The following AGBL1 variants were observed in gnomAD, a reference collection of about 807,000 sequenced individuals.
AGBL1 encodes the protein AGBL carboxypeptidase 1.
A neutral mutation model predicts 118.9 loss-of-function variants in AGBL1; 130 were observed. The observed-to-expected ratio is 1.09, with a 90% confidence interval of 0.95 to 1.26. The LOEUF (loss-of-function observed/expected upper bound fraction) is 1.26. Among genes scored for constraint, AGBL1 ranks in the 50% most tolerant of loss-of-function variants. The pLI is 0.00. For synonymous variants in AGBL1, 555 were observed against 478.9 expected (o/e 1.16, Z -2.08); for missense variants, 1,584 against 1,298.1 (o/e 1.22, Z -3.38).
chr15:86,383,032 A>G (rs538708399), intron 17 of AGBL1, among the ~76,000 whole-genome samples: 3 of 152,180 alleles, frequency 2.0e-5, no homozygotes, highest in Non-Finnish European at 2.9e-5. Flanking sequence ...AGCTGGTGAC[A>G]TCTGTTTTTC....
At chr15:86,842,412 C>T (rs2079258253) in intron 22 of AGBL1, among the ~76,000 whole-genome samples, 1 of 152,148 alleles carries the variant, frequency 6.6e-6, no homozygotes, top group Non-Finnish European at 1.5e-5. Flanking sequence ...GTCATCTCTG[C>T]CTGAGCTCTG....
intron 24 of AGBL1, among the ~76,000 whole-genome samples, chr15:87,002,335 A>C (rs1031860803): frequency 2.6e-5 from 4 of 151,966 alleles, no homozygotes; most frequent in African/African-American, 9.7e-5. Context: ...CCATTGTTCT[A>C]TATCTCTGTT....
At chr15:86,752,570 AG>A (rs2141256045) in intron 22 of AGBL1, among the ~76,000 whole-genome samples, 1 of 152,218 alleles carries the variant, frequency 6.6e-6, no homozygotes, top group African/African-American at 2.4e-5. Context: ...GCAGGAGCAC[AG>A]GAACTCAGCC....
intron 1 of AGBL1, among the ~76,000 whole-genome samples, chr15:86,122,302 G>A (rs1309368760): frequency 6.6e-6 from 1 of 152,182 alleles, no homozygotes; most frequent in Non-Finnish European, 1.5e-5. Flanking sequence ...AGATATTCCC[G>A]TGAAAGCTGA....
At chr15:86,342,775 C>G (rs116236838) in intron 17 of AGBL1, among the ~76,000 whole-genome samples, 1 of 152,064 alleles carries the variant, frequency 6.6e-6, no homozygotes, top group Non-Finnish European at 1.5e-5. Context: ...TATAGAATAC[C>G]TGATGTAAGT....
chr15:86,398,178 T>C (rs1281838915), intron 18 of AGBL1, among the ~76,000 whole-genome samples: 1 of 152,278 alleles, frequency 6.6e-6, no homozygotes. Context: ...CTTACAGAAC[T>C]CTTCGAAATA....
chr15:86,735,909 T>C (rs887513050), intron 22 of AGBL1, among the ~76,000 whole-genome samples: 3 of 152,116 alleles, frequency 2.0e-5, no homozygotes, highest in Middle Eastern at 3.2e-3. Context: ...ATACGACTTT[T>C]ATGCTCACTT....
intron 5 of AGBL1, among the ~76,000 whole-genome samples, chr15:86,165,713 G>A (rs1244848806): frequency 6.6e-6 from 1 of 151,988 alleles, no homozygotes; most frequent in Non-Finnish European, 1.5e-5. Context: ...CTCACAGTGG[G>A]GCTTCACTCT....
At chr15:86,514,669 C>T (rs1444411331) in intron 18 of AGBL1, among the ~76,000 whole-genome samples, 1 of 152,072 alleles carries the variant, frequency 6.6e-6, no homozygotes, top group Non-Finnish European at 1.5e-5. Context: ...GGAAATGTCA[C>T]TTGCCCCTCA....
intron 21 of AGBL1, among the ~76,000 whole-genome samples, chr15:86,627,963 A>G (rs2084912553): frequency 1.3e-5 from 2 of 152,192 alleles, no homozygotes; most frequent in Admixed American, 6.5e-5. Context: ...TCCTGAATGG[A>G]GAAAGGAAAA....
intron 22 of AGBL1, among the ~76,000 whole-genome samples, chr15:86,767,756 A>G (rs2078116968): frequency 6.6e-6 from 1 of 151,898 alleles, no homozygotes; most frequent in South Asian, 2.1e-4. Flanking sequence ...TAAAAGTCAG[A>G]TTTTCTGATG....
intron 1 of AGBL1, among the ~76,000 whole-genome samples, chr15:86,092,295 T>C (rs1896084731): frequency 6.6e-6 from 1 of 152,148 alleles, no homozygotes; most frequent in Non-Finnish European, 1.5e-5. Flanking sequence ...AGTAAATACA[T>C]GAACAAATAG....
Position 86,258,066 on chromosome 15 carries a change from A to G in AGBL1, c.969+35A>G, listed in dbSNP as rs764653479. On this transcript the variant is annotated intron_variant, in intron 9 of 22. Coordinates refer to ENST00000614907, the MANE Select transcript of AGBL1 (RefSeq NM_001386094.1). Reference sequence around the variant, plus strand: ...CCAGCCCATGCTTCTAATGATGTCCATAGTCACATCATGCACAGAAAAATA... The same window carrying G: ...CCAGCCCATGCTTCTAATGATGTCCGTAGTCACATCATGCACAGAAAAATA... 13 of 1,589,160 alleles carry G rather than the reference A, an allele frequency of 8.2e-6. No homozygotes were observed. The East Asian group carries it at 2.7e-4, about 33-fold the overall frequency.
rs371693939 is a variant in AGBL1 at position 86,137,439 on chromosome 15, CTTTT to C, written c.52-4562_52-4559del. Among the ~76,000 whole-genome samples, 1,272 of 152,182 alleles carry C rather than the reference CTTTT, an allele frequency of 8.4e-3. 19 individuals carry two copies. The highest frequency in any genetic ancestry group is 0.03 in the African/African-American group (1,227 of 41,504). On this transcript the variant is annotated intron_variant, in intron 1 of 22. Transcript: ENST00000614907. The stretch of plus-strand genomic sequence containing the variant: ...TCACATCTGAATTTACTAAAAGTGG[CTTTT>C]TTAAGTAAGATATTCATTATTTCTC...
intron 5 of AGBL1, among the ~76,000 whole-genome samples, chr15:86,197,327 A>G (rs1410965981): frequency 1.3e-5 from 2 of 152,254 alleles, no homozygotes; most frequent in Non-Finnish European, 1.5e-5. Context: ...CCACCTGCTT[A>G]CAGAATAAGT....
At chr15:86,325,572 G>A (rs2080171271) in intron 17 of AGBL1, among the ~76,000 whole-genome samples, 1 of 152,166 alleles carries the variant, frequency 6.6e-6, no homozygotes, top group African/African-American at 2.4e-5. Flanking sequence ...CACATGGGGA[G>A]TCTTCGCCTC....
intron 18 of AGBL1, among the ~76,000 whole-genome samples, chr15:86,409,763 G>A (rs959633254): frequency 6.6e-6 from 1 of 152,074 alleles, no homozygotes. Flanking sequence ...TTGGGGCTGA[G>A]GCTCCTCAGG....
At chr15:86,787,381 A>G (rs6496363) in intron 22 of AGBL1, among the ~76,000 whole-genome samples, 16,137 of 152,084 alleles carry the variant, frequency 0.11, 948 homozygotes, top group South Asian at 0.16. Context: ...TACTCATTCT[A>G]TGTAACTGCA....
At chr15:86,382,620 C>T (rs1308014661) in intron 17 of AGBL1, among the ~76,000 whole-genome samples, 3 of 152,058 alleles carry the variant, frequency 2.0e-5, no homozygotes, top group Non-Finnish European at 4.4e-5. Context: ...TGGCAGGCCA[C>T]CGCTGTAGTC....
Sources: allele counts gnomAD v4.1 joint callset (sites outside exome capture counted in the v4.1 genomes callset), GRCh38; gene constraint gnomAD v4.1.1; transcripts MANE v1.5; gene names NCBI Gene and HGNC (gene_info 2026-07-23, HGNC 2026-07-21).